PUM2: variants seen among roughly 807,000 people sequenced by gnomAD.
The protein encoded by PUM2 is pumilio RNA binding family member 2.
In PUM2, 57 loss-of-function variants were observed where a neutral mutation model predicts 124.5. The observed-to-expected ratio is 0.46, with a 90% CI of 0.37 to 0.57. The LOEUF (loss-of-function observed/expected upper bound fraction) is 0.57. Ranked by LOEUF, PUM2 falls within the 20% of genes least tolerant of loss-of-function variation. The pLI is 0.00. For synonymous variants in PUM2, 460 were observed against 446.1 expected, an observed-to-expected ratio of 1.03 and a Z score of -0.39; for missense variants, 1,065 against 1,290.6, an observed-to-expected ratio of 0.83 and a Z score of 2.68.
intron 5 of PUM2, among the ~76,000 whole-genome samples, chr2:20,309,276 A>G (rs1177376930): frequency 6.6e-6 from 1 of 152,116 alleles, no homozygotes; most frequent in Non-Finnish European, 1.5e-5. Context: ...AATAAGAACA[A>G]AAGCAACTAT....
chr2:20,319,737 A>G (rs1343608425), intron 2 of PUM2, among the ~76,000 whole-genome samples: 4 of 152,220 alleles, frequency 2.6e-5, no homozygotes, highest in African/African-American at 9.7e-5. Flanking sequence ...GGGAAGGTCA[A>G]AAGTTCATGC....
At chr2:20,275,502 A>G (rs908757527) in intron 13 of PUM2, among the ~76,000 whole-genome samples, 44 of 152,144 alleles carry the variant, frequency 2.9e-4, no homozygotes, top group Non-Finnish European at 5.9e-5. Flanking sequence ...ATAAAGAATG[A>G]CACAATTAAC....
intron 1 of PUM2, among the ~76,000 whole-genome samples, chr2:20,344,250 T>C (rs1558691515): frequency 6.6e-6 from 1 of 152,076 alleles, no homozygotes; most frequent in Non-Finnish European, 1.5e-5. Context: ...GCATTTCTTA[T>C]TGAGATGGGG....
At chr2:20,317,589 GC>G (rs1681276805) in intron 3 of PUM2, among the ~76,000 whole-genome samples, 1 of 152,084 alleles carries the variant, frequency 6.6e-6, no homozygotes. Flanking sequence ...GGGTACATGT[GC>G]AGGTTTGTTA....
intron 15 of PUM2, 134 bp downstream of exon 15, chr2:20,260,203 T>C (rs1178349455): frequency 1.0e-6 from 1 of 998,852 alleles, no homozygotes; most frequent in Non-Finnish European, 1.4e-6. Context: ...GCATATATAA[T>C]TTGTAAATAT....
At chr2:20,350,472 C>G (rs990929569) in intron 1 of PUM2, 125 bp downstream of exon 1, 8 of 985,056 alleles carry the variant, frequency 8.1e-6, no homozygotes, top group Non-Finnish European at 9.6e-6. Context: ...GGCCCGGGCA[C>G]TCAGCAGGCC....
At chr2:20,284,063 T>C (rs913622706) in intron 10 of PUM2, among the ~76,000 whole-genome samples, 2 of 152,252 alleles carry the variant, frequency 1.3e-5, no homozygotes, top group African/African-American at 2.4e-5. Flanking sequence ...TCTTCACAAA[T>C]AGTGGAGAAT....
intron 13 of PUM2, among the ~76,000 whole-genome samples, chr2:20,271,762 C>T (rs139514811): frequency 1.3e-3 from 191 of 152,278 alleles, no homozygotes; most frequent in African/African-American, 4.5e-3. Context: ...CACAAAGTCA[C>T]AATAGGTTAA....
At chr2:20,261,047 G>A (rs1010747991) in intron 14 of PUM2, among the ~76,000 whole-genome samples, 2 of 152,058 alleles carry the variant, frequency 1.3e-5, no homozygotes, top group African/African-American at 2.4e-5. Context: ...AGTGCAATAC[G>A]TTACTCAGGT....
At chr2:20,285,921 T>C (rs763817032) in intron 10 of PUM2, among the ~76,000 whole-genome samples, 2 of 151,946 alleles carry the variant, frequency 1.3e-5, no homozygotes, top group Non-Finnish European at 2.9e-5. Flanking sequence ...AGATGACATA[T>C]GAGGAAAAAT....
intron 1 of PUM2, among the ~76,000 whole-genome samples, chr2:20,346,772 A>C (rs572470361): frequency 6.6e-6 from 1 of 152,302 alleles, no homozygotes; most frequent in Admixed American, 6.5e-5. Flanking sequence ...AGCCAGCTAC[A>C]GGTTCCATTT....
intron 7 of PUM2, among the ~76,000 whole-genome samples, chr2:20,297,944 T>C (rs2148333317): frequency 6.6e-6 from 1 of 152,332 alleles, no homozygotes; most frequent in East Asian, 1.9e-4. Flanking sequence ...TCGAGGTATG[T>C]TATAGAAAAT....
chr2:20,287,238 G>T (rs1057142735), intron 10 of PUM2, among the ~76,000 whole-genome samples: 1 of 152,114 alleles, frequency 6.6e-6, no homozygotes, highest in Non-Finnish European at 1.5e-5. Flanking sequence ...TTGTAGAATG[G>T]TGAAAATAAA....
intron 8 of PUM2, among the ~76,000 whole-genome samples, chr2:20,297,128 G>C (rs1022845879): frequency 1.3e-5 from 2 of 152,038 alleles, no homozygotes; most frequent in Non-Finnish European, 2.9e-5. Context: ...AGAAATTTTA[G>C]ATACATATTT....
chr2:20,261,422 A>AAAAAAAAAAAAAAAAAAAAAAAAAAAAAC (rs1666230432), intron 14 of PUM2, among the ~76,000 whole-genome samples: 1 of 144,616 alleles, frequency 6.9e-6, no homozygotes, highest in Non-Finnish European at 1.5e-5. Flanking sequence ...AAAAAAAAAA[A>AAAAAAAAAAAAAAAAAAAAAAAAAAAAAC]GTGTAGTACA....
intron 1 of PUM2, among the ~76,000 whole-genome samples, chr2:20,338,113 T>G (rs548230806): frequency 6.6e-6 from 1 of 152,104 alleles, no homozygotes; most frequent in Non-Finnish European, 1.5e-5. Flanking sequence ...TACGCTACTC[T>G]CTAAAAGACG....
intron 13 of PUM2, among the ~76,000 whole-genome samples, chr2:20,277,549 A>C (rs548431630): frequency 6.6e-6 from 1 of 152,276 alleles, no homozygotes; most frequent in East Asian, 1.9e-4. Context: ...ATGTAAATCA[A>C]AATGAACACT....
chr2:20,251,617 G>C lies in PUM2; in HGVS notation c.3163C>G (p.Pro1055Ala). 1.2e-6 allele frequency: 2 copies of C among 1,613,738 alleles called. No homozygotes were observed. Among genetic ancestry groups the C allele is most frequent in the Non-Finnish European group, 8.5e-7 (1 of 1,179,774 alleles). ...YYLKNSPDLG[P>A]IGGPPNGML ...ATTCCATTTGGTGGTCCTCCAATAG[G>C]TCCTAGGTCCGGGCTATTCTTCAAA... Residue 1055 changes from proline (P) to alanine (A), a missense_variant, in exon 21 of 21, where the codon CCT becomes GCT. This residue lies in a region of PUM2 where 968 missense variants were observed against 1,159.8 expected (regional missense o/e 0.83). Transcript: ENST00000361078.
intron 15 of PUM2, among the ~76,000 whole-genome samples, chr2:20,259,300 G>A (rs1665606660): frequency 6.6e-6 from 1 of 152,134 alleles, no homozygotes; most frequent in African/African-American, 2.4e-5. Context: ...ACTGCCATTT[G>A]AACCATTTTT....
Sources: allele counts gnomAD v4.1 joint callset (sites outside exome capture counted in the v4.1 genomes callset), GRCh38; gene constraint gnomAD v4.1.1; regional missense constraint gnomAD v4.1.1; transcripts MANE v1.5; gene names NCBI Gene and HGNC (gene_info 2026-07-23, HGNC 2026-07-21).